Variants in CYFIP2 observed in about 807,000 individuals in gnomAD.
CYFIP2 encodes the protein cytoplasmic FMR1-interacting protein 2.
Under a neutral mutation model 158.7 loss-of-function variants are expected in CYFIP2, and 29 were observed. That is an observed-to-expected ratio of 0.18 (90% CI 0.14 to 0.25). CYFIP2 has a LOEUF of 0.25. Among genes scored for constraint, CYFIP2 ranks in the 10% least tolerant of loss-of-function variants. CYFIP2 has a pLI of 1.00. For missense variants in CYFIP2, 852 were observed against 1,639.5 expected (o/e 0.52, Z 8.29); for synonymous variants, 585 against 617.6 (o/e 0.95, Z 0.78).
chr5:157,287,354 C>T (rs149452827), intron 3 of CYFIP2, among the ~76,000 whole-genome samples: 87 of 152,336 alleles, frequency 5.7e-4, no homozygotes, highest in African/African-American at 1.9e-3. Flanking sequence ...ACTTAGTCTC[C>T]ACTACTCACT....
chr5:157,325,781 A>G, intron 17 of CYFIP2, 143 bp downstream of exon 17: 1 of 876,068 alleles, frequency 1.1e-6, no homozygotes, highest in Non-Finnish European at 1.7e-6. Flanking sequence ...GAGCTCAGCC[A>G]GACAGAATCA....
chr5:157,311,920 A>C lies in CYFIP2; in HGVS notation c.1110+139A>C. On this transcript the variant is annotated intron_variant, in intron 11 of 30. Coordinates refer to ENST00000620254, the MANE Select transcript of CYFIP2 (RefSeq NM_001037333.3). The surrounding 1 kb of genome is among the most constrained non-coding windows in gnomAD (Gnocchi z 4.7). Reference sequence around the variant, plus strand: ...GCAGGAGGGTAAAGTGGCCAACAGCAGGGGTTTTGGAGCCAGGCAGACTGG... The same window carrying C: ...GCAGGAGGGTAAAGTGGCCAACAGCCGGGGTTTTGGAGCCAGGCAGACTGG... 1.3e-6 allele frequency: 1 copy of C among 762,580 alleles called. No individual in the cohort carries two copies. 47.2% of individuals were successfully genotyped at this position (762,580 alleles called of 1,614,324 possible).
At chr5:157,358,051 G>A (rs1016435844) in intron 23 of CYFIP2, among the ~76,000 whole-genome samples, 1 of 152,110 alleles carries the variant, frequency 6.6e-6, no homozygotes, top group African/African-American at 2.4e-5. Context: ...AGATCACATA[G>A]ATTTGTCGGG....
chr5:157,283,580 A>C (rs957610335), intron 1 of CYFIP2, among the ~76,000 whole-genome samples: 1 of 152,218 alleles, frequency 6.6e-6, no homozygotes, highest in Middle Eastern at 3.2e-3. Context: ...AGCCTTCTGC[A>C]GAGGGCAGAT....
At chr5:157,288,731 A>G in intron 3 of CYFIP2, 1 of 424,378 alleles carries the variant, frequency 2.4e-6, no homozygotes, top group South Asian at 1.7e-5. Context: ...TAACTTACTC[A>G]GGGTCCTGCA....
intron 3 of CYFIP2, among the ~76,000 whole-genome samples, chr5:157,291,587 G>T (rs1440920625): frequency 1.3e-5 from 2 of 152,238 alleles, no homozygotes; most frequent in African/African-American, 4.8e-5. Context: ...GTAGACACGT[G>T]TTCCTTACGT....
chr5:157,370,468 G>T (rs1347595465), intron 26 of CYFIP2, among the ~76,000 whole-genome samples: 1 of 152,164 alleles, frequency 6.6e-6, no homozygotes, highest in Admixed American at 6.5e-5. Context: ...ATACAGCAAA[G>T]TCATATAATT....
intron 26 of CYFIP2, among the ~76,000 whole-genome samples, chr5:157,382,189 A>G (rs1766196129): frequency 6.6e-6 from 1 of 152,210 alleles, no homozygotes. Context: ...TGACCTAGCC[A>G]CCTGCCTTGA....
At chr5:157,344,091 C>G (rs1346865113) in intron 23 of CYFIP2, among the ~76,000 whole-genome samples, 1 of 152,150 alleles carries the variant, frequency 6.6e-6, no homozygotes. Context: ...TTCGCTTCGT[C>G]ACTCTTTGGC....
At chr5:157,326,385 C>T in intron 18 of CYFIP2, 118 bp downstream of exon 18, 3 of 861,048 alleles carry the variant, frequency 3.5e-6, no homozygotes, top group Middle Eastern at 3.0e-4. Context: ...AGAGGAATCT[C>T]TGTAACCATG....
chr5:157,393,015 A>G lies in CYFIP2; in HGVS notation c.*15A>G. Reference sequence around the variant, plus strand: ...CCACTTGCTAAGCAGAAGATCCTGCAGACCCTTATCTGGAGGAGGAAGAGA... The same window carrying G: ...CCACTTGCTAAGCAGAAGATCCTGCGGACCCTTATCTGGAGGAGGAAGAGA... On this transcript the variant is annotated 3_prime_UTR_variant, in exon 31 of 31. Coordinates refer to ENST00000620254, the MANE Select transcript of CYFIP2 (RefSeq NM_001037333.3). 6.2e-7 allele frequency: 1 copy of G among 1,613,228 alleles called. No homozygotes were observed.
chr5:157,353,860 T>C (rs1355991461), intron 23 of CYFIP2, among the ~76,000 whole-genome samples: 10 of 152,222 alleles, frequency 6.6e-5, no homozygotes, highest in Admixed American at 2.6e-4. Context: ...AGAGCAGAGA[T>C]GCAAATTGCT....
chr5:157,283,206 A>T (rs1250074633), intron 1 of CYFIP2, among the ~76,000 whole-genome samples: 2 of 152,212 alleles, frequency 1.3e-5, no homozygotes, highest in Non-Finnish European at 1.5e-5. Flanking sequence ...ATAGACTGGG[A>T]ATAATCATAG....
chr5:157,359,401 T>C (rs904785970), intron 24 of CYFIP2, among the ~76,000 whole-genome samples: 2 of 152,222 alleles, frequency 1.3e-5, no homozygotes, highest in Non-Finnish European at 2.9e-5. Flanking sequence ...TTGTATTTGA[T>C]GACTGAACTC....
At chr5:157,320,557 G>A in intron 14 of CYFIP2, 98 bp from the exon 15 acceptor site, 1 of 1,467,970 alleles carries the variant, frequency 6.8e-7, no homozygotes. Context: ...ATTCAAATGT[G>A]GGTGTTCCTG....
intron 14 of CYFIP2, 32 bp from the exon 15 acceptor site, chr5:157,320,623 C>T (rs767855541): frequency 6.2e-6 from 10 of 1,613,120 alleles, no homozygotes; most frequent in Non-Finnish European, 8.5e-6. Context: ...CATGGTGAAA[C>T]CTGGTCTAAG....
chr5:157,348,387 T>G (rs982836627), intron 23 of CYFIP2, among the ~76,000 whole-genome samples: 1 of 152,060 alleles, frequency 6.6e-6, no homozygotes, highest in African/African-American at 2.4e-5. Context: ...TAGCTAGGAC[T>G]ACAGGTGTGC....
intron 1 of CYFIP2, chr5:157,271,625 T>A (rs1158159377): frequency 6.6e-6 from 1 of 152,250 alleles, no homozygotes; most frequent in Non-Finnish European, 1.5e-5. Context: ...CGCAATAACC[T>A]TCACAAGGCA....
intron 1 of CYFIP2, chr5:157,271,282 C>T (rs1315672867): frequency 6.6e-6 from 1 of 152,226 alleles, no homozygotes; most frequent in Non-Finnish European, 1.5e-5. Context: ...TAACACATGT[C>T]TTTAAGGAAG....
Sources: allele counts gnomAD v4.1 joint callset (sites outside exome capture counted in the v4.1 genomes callset), GRCh38; gene constraint gnomAD v4.1.1; non-coding constraint Gnocchi (gnomAD v3.1); transcripts MANE v1.5; gene names NCBI Gene and HGNC (gene_info 2026-07-23, HGNC 2026-07-21).